The following NBEA variants were observed in gnomAD, a reference collection of about 807,000 sequenced individuals.
The protein encoded by NBEA is lysosomal-trafficking regulator 2.
Under a neutral mutation model 343.4 loss-of-function variants are expected in NBEA, and 44 were observed. The observed-to-expected ratio is 0.13, with a 90% CI of 0.10 to 0.16. The LOEUF is 0.16. NBEA is among the 10% of genes least tolerant of loss of function. The probability of loss-of-function intolerance (pLI) is 1.00; values close to 1 mark genes in which losing one functional copy is unlikely to be tolerated. For missense variants in NBEA, 2,555 were observed against 3,631.3 expected (o/e 0.70, Z 7.62); for synonymous variants, 1,175 against 1,238.7 (o/e 0.95, Z 1.08).
intron 40 of NBEA, among the ~76,000 whole-genome samples, chr13:35,462,385 A>C (rs559065317): frequency 6.6e-6 from 1 of 152,318 alleles, no homozygotes; most frequent in Non-Finnish European, 1.5e-5. Flanking sequence ...GTCTTGAAAA[A>C]TAAGTTAAAC....
intron 48 of NBEA, among the ~76,000 whole-genome samples, chr13:35,609,349 A>T (rs1036502405): frequency 6.6e-6 from 1 of 152,214 alleles, no homozygotes; most frequent in Non-Finnish European, 1.5e-5. Context: ...AGTGGTACCC[A>T]TTCCATTCAG....
intron 34 of NBEA, among the ~76,000 whole-genome samples, chr13:35,267,673 AAAG>A (rs1566542877): frequency 6.6e-6 from 1 of 151,638 alleles, no homozygotes. Flanking sequence ...AAAACTCAAA[AAAG>A]CACAAAAGAC....
intron 38 of NBEA, among the ~76,000 whole-genome samples, chr13:35,403,700 G>A (rs1425150512): frequency 6.6e-6 from 1 of 151,868 alleles, no homozygotes; most frequent in East Asian, 1.9e-4. Flanking sequence ...CATGGGCAAG[G>A]ACTTCATGTC....
intron 5 of NBEA, among the ~76,000 whole-genome samples, chr13:35,049,283 C>G (rs1292005126): frequency 4.6e-5 from 7 of 151,790 alleles, no homozygotes; most frequent in Non-Finnish European, 8.9e-5. Context: ...ATACTGTATG[C>G]TAGGCATTGT....
Position 34,942,922 on chromosome 13 carries a change from T to C in NBEA, c.102T>C (p.Gly34=), listed in dbSNP as rs767393352. 3.1e-5 allele frequency: 46 copies of C among 1,502,304 alleles called. No homozygotes were observed. Among genetic ancestry groups the C allele is most frequent in the African/African-American group, 6.1e-5 (4 of 65,292 alleles). The allele number at this position is 1,502,304 out of a possible 1,614,324, so 93.1% of individuals were successfully genotyped here. A position where few individuals can be genotyped will look rare whatever the true frequency, so the allele number is the denominator to read the frequency against. The change falls in exon 1 of 59, where the codon GGT becomes GGC. Residue 34 remains glycine (G), a synonymous_variant. Transcript: ENST00000379939. ...GCGGAGGCGGCGGGGGCAGCGGTGG[T>C]GGCGGCACCGGGGGCAGCGGGATGG... ...AAGGGGGGSG[G]GGTGGSGMGE...
intron 36 of NBEA, among the ~76,000 whole-genome samples, chr13:35,336,564 A>G (rs1021006981): frequency 2.7e-5 from 4 of 150,758 alleles, no homozygotes; most frequent in African/African-American, 4.9e-5. Context: ...CCATTAAGAC[A>G]CATGCATGCA....
chr13:35,165,067 T>C (rs2069884575), intron 24 of NBEA: 3 of 533,922 alleles, frequency 5.6e-6, no homozygotes, highest in South Asian at 4.2e-5. Flanking sequence ...GGAAAGAATA[T>C]AGAATTTTGC....
chr13:35,386,639 A>C (rs2042254332), intron 38 of NBEA, among the ~76,000 whole-genome samples: 1 of 152,170 alleles, frequency 6.6e-6, no homozygotes, highest in Non-Finnish European at 1.5e-5. Context: ...TATTTCCCAA[A>C]GTATTTTTTA....
Position 35,213,492 on chromosome 13 carries a change from T to C in NBEA, c.5648+2313T>C, listed in dbSNP as rs570928629. Among the ~76,000 whole-genome samples the C allele has an allele frequency of 8.5e-5, 13 of 152,122 alleles. No homozygotes were observed. In the South Asian group the frequency reaches 2.7e-3, roughly 32 times the overall value. On this transcript the variant is annotated intron_variant, in intron 33 of 58. Transcript: ENST00000379939. ...AGTATCCATTTTAAAAACAACTTGC[T>C]GGGGTTTTCATAAGTAATGGAGTAT...
intron 1 of NBEA, among the ~76,000 whole-genome samples, chr13:35,033,942 T>C (rs1012920097): frequency 1.8e-4 from 27 of 151,948 alleles, no homozygotes; most frequent in African/African-American, 6.3e-4. Flanking sequence ...GATTCTATCA[T>C]CCGCAAACAA....
At chr13:35,069,504 A>G (rs1463880992) in intron 8 of NBEA, among the ~76,000 whole-genome samples, 2 of 152,128 alleles carry the variant, frequency 1.3e-5, no homozygotes, top group Non-Finnish European at 2.9e-5. Context: ...CTCAAATGAT[A>G]GTCATTTTTC....
chr13:35,387,357 A>AT (rs996747120), intron 38 of NBEA, among the ~76,000 whole-genome samples: 53 of 151,486 alleles, frequency 3.5e-4, no homozygotes, highest in African/African-American at 1.2e-3. Context: ...AGGGACATTG[A>AT]TTTTTTTTCC....
At chr13:35,648,515 G>C (rs1469285562) in intron 51 of NBEA, among the ~76,000 whole-genome samples, 1 of 151,968 alleles carries the variant, frequency 6.6e-6, no homozygotes, top group East Asian at 1.9e-4. Flanking sequence ...ATTTATCCTG[G>C]AGATATGCCC....
chr13:35,262,861 A>T (rs991042555), intron 34 of NBEA, among the ~76,000 whole-genome samples: 2 of 152,224 alleles, frequency 1.3e-5, no homozygotes, highest in Non-Finnish European at 2.9e-5. Flanking sequence ...AAGCTATTCC[A>T]TGTTCATGGG....
chr13:35,136,926 T>C (rs908665629), intron 17 of NBEA, among the ~76,000 whole-genome samples: 2 of 152,210 alleles, frequency 1.3e-5, no homozygotes, highest in African/African-American at 4.8e-5. Context: ...AATTCATACA[T>C]AACAGCAGTG....
At chr13:35,569,719 A>G (rs1031502653) in intron 45 of NBEA, among the ~76,000 whole-genome samples, 6 of 152,182 alleles carry the variant, frequency 3.9e-5, no homozygotes, top group Non-Finnish European at 8.8e-5. Flanking sequence ...GATAGTTAAC[A>G]GTAATATGAG....
intron 40 of NBEA, among the ~76,000 whole-genome samples, chr13:35,463,347 G>T (rs1217610508): frequency 6.6e-6 from 1 of 152,198 alleles, no homozygotes; most frequent in East Asian, 1.9e-4. Context: ...TGCAGGCCAG[G>T]TGCGGTGGCT....
At chr13:35,535,677 A>G (rs1371018709) in intron 41 of NBEA, among the ~76,000 whole-genome samples, 1 of 152,154 alleles carries the variant, frequency 6.6e-6, no homozygotes, top group Non-Finnish European at 1.5e-5. Flanking sequence ...AAGTAGATGT[A>G]ATTTGTCCCA....
intron 49 of NBEA, among the ~76,000 whole-genome samples, chr13:35,641,394 T>C (rs972878236): frequency 6.6e-6 from 1 of 152,148 alleles, no homozygotes; most frequent in Non-Finnish European, 1.5e-5. Context: ...TCTAAGCAAC[T>C]TTATTCACAG....
Sources: gnomAD v4.1 joint callset for allele counts (sites outside exome capture counted in the v4.1 genomes callset) on GRCh38, gnomAD v4.1.1 for gene constraint, MANE v1.5 for transcripts, NCBI Gene and HGNC (gene_info 2026-07-23, HGNC 2026-07-21) for gene names.